Variants in SPIN1 observed in about 807,000 individuals in gnomAD.
The protein encoded by SPIN1 is spindlin 1.
A neutral mutation model predicts 26.0 loss-of-function variants in SPIN1; 3 were observed. The observed-to-expected ratio is 0.12, with a 90% CI of 0.05 to 0.30. The LOEUF (loss-of-function observed/expected upper bound fraction) is 0.30, where lower values mean the gene tolerates loss of function less well. SPIN1 is among the 10% of genes least tolerant of loss of function. The probability of loss-of-function intolerance (pLI) is 1.00; values close to 1 mark genes in which losing one functional copy is unlikely to be tolerated. For missense variants in SPIN1, 126 were observed against 333.4 expected (o/e 0.38, Z 4.84); for synonymous variants, 101 against 116.5 (o/e 0.87, Z 0.86).
At chr9:88,444,319 C>T (rs1358001422) in intron 2 of SPIN1, among the ~76,000 whole-genome samples, 1 of 147,192 alleles carries the variant, frequency 6.8e-6, no homozygotes. Context: ...CGGCTCACTG[C>T]AAGCTCCGCC....
chr9:88,411,394 A>G (rs1350680056), intron 1 of SPIN1: 29 of 1,596,022 alleles, frequency 1.8e-5, no homozygotes, highest in Non-Finnish European at 2.5e-5. Context: ...CGGTTGTTTC[A>G]AAGCTCAACC....
chr9:88,418,794 A>G (rs1207750119), intron 1 of SPIN1: 3 of 152,222 alleles, frequency 2.0e-5, no homozygotes, highest in African/African-American at 4.8e-5. Context: ...TATCTCGACA[A>G]TGCTAGTTGC....
In SPIN1 at chr9:88,478,558, A is replaced by G. The variant is rs989274972; in HGVS notation, c.*3281A>G. ...TTTAATTTTAATTTTATTTTATACA[A>G]TGTGTAGACAGTTCCCTGTTCTCTG... On this transcript the variant is annotated 3_prime_UTR_variant, in exon 6 of 6. Transcript: ENST00000375859. 1.0e-4 allele frequency: 16 copies of G among 152,460 alleles called. No individual in the cohort carries two copies. Among genetic ancestry groups the G allele is most frequent in the Admixed American group, 2.0e-4 (3 of 15,274 alleles). 9.4% of individuals were successfully genotyped at this position (152,460 alleles called of 1,614,324 possible).
intron 1 of SPIN1, among the ~76,000 whole-genome samples, chr9:88,422,074 G>GTA (rs1181949481): frequency 6.6e-6 from 1 of 152,130 alleles, no homozygotes; most frequent in African/African-American, 2.4e-5. Flanking sequence ...TTGTAAAGCA[G>GTA]TAACATTTTC....
intron 2 of SPIN1, among the ~76,000 whole-genome samples, chr9:88,444,130 T>G (rs1828195251): frequency 6.6e-6 from 1 of 152,126 alleles, no homozygotes; most frequent in Non-Finnish European, 1.5e-5. Context: ...TGTTTAGCTT[T>G]TTATGGACAA....
At chr9:88,451,421 T>C (rs905299206) in intron 3 of SPIN1, among the ~76,000 whole-genome samples, 1 of 152,220 alleles carries the variant, frequency 6.6e-6, no homozygotes, top group African/African-American at 2.4e-5. Flanking sequence ...TTTGTGTTTT[T>C]TAAGAAAATA....
chr9:88,465,641 T>TATTTTAATTAA (rs1828653268), intron 4 of SPIN1, among the ~76,000 whole-genome samples: 1 of 152,178 alleles, frequency 6.6e-6, no homozygotes. Context: ...TTTAATTAGG[T>TATTTTAATTAA]TATTTTGATT....
intron 3 of SPIN1, among the ~76,000 whole-genome samples, chr9:88,458,280 C>G (rs1244820566): frequency 6.6e-6 from 1 of 152,120 alleles, no homozygotes; most frequent in Non-Finnish European, 1.5e-5. Context: ...AAGTATGAGA[C>G]TCATAGTATC....
At chr9:88,435,334 G>A (rs1218289452) in intron 2 of SPIN1, among the ~76,000 whole-genome samples, 1 of 151,680 alleles carries the variant, frequency 6.6e-6, no homozygotes. Flanking sequence ...TCCTACCTCA[G>A]CCTCTAAGTC....
At chr9:88,409,337 C>T (rs1827387891) in intron 1 of SPIN1, among the ~76,000 whole-genome samples, 2 of 150,866 alleles carry the variant, frequency 1.3e-5, no homozygotes, top group South Asian at 4.2e-4. Flanking sequence ...GGTTTTTATT[C>T]ATTTTGTCTC....
At chr9:88,468,344 A>G in intron 4 of SPIN1, 28 bp from the exon 5 acceptor site, 1 of 1,162,518 alleles carries the variant, frequency 8.6e-7, no homozygotes. Flanking sequence ...CACTTTGTCA[A>G]CTTTTTTTTT....
chr9:88,473,643 T>TTGTGTGTGTGTGTGTGTGTGTGTGTGTG (rs113216961), intron 5 of SPIN1, among the ~76,000 whole-genome samples: 1 of 119,256 alleles, frequency 8.4e-6, no homozygotes, highest in African/African-American at 2.9e-5. Flanking sequence ...TTCTCCAAAC[T>TTGTGTGTGTGTGTGTGTGTGTGTGTGTG]TGTGTGTGTG....
chr9:88,463,434 T>G (rs2118195016), intron 4 of SPIN1, among the ~76,000 whole-genome samples: 1 of 152,236 alleles, frequency 6.6e-6, no homozygotes, highest in East Asian at 1.9e-4. Flanking sequence ...CTGCTCTTGT[T>G]TAAAATATTG....
At chr9:88,400,633 G>A (rs1324291562) in intron 1 of SPIN1, among the ~76,000 whole-genome samples, 1 of 152,170 alleles carries the variant, frequency 6.6e-6, no homozygotes, top group Non-Finnish European at 1.5e-5. Flanking sequence ...ATCACCTGAG[G>A]TAAGGAGTTT....
chr9:88,414,030 C>CAAAAA (rs10635542), intron 1 of SPIN1, among the ~76,000 whole-genome samples: 1 of 141,772 alleles, frequency 7.1e-6, no homozygotes, highest in African/African-American at 2.5e-5. Flanking sequence ...TTTATTATAG[C>CAAAAA]AAAAAAAAAA....
intron 2 of SPIN1, among the ~76,000 whole-genome samples, chr9:88,428,839 C>T (rs966538715): frequency 6.6e-6 from 1 of 152,060 alleles, no homozygotes; most frequent in Non-Finnish European, 1.5e-5. Flanking sequence ...TAAGAAGATA[C>T]AAGAAAAACA....
At chr9:88,440,668 A>AC (rs781262274) in intron 2 of SPIN1, among the ~76,000 whole-genome samples, 3 of 147,138 alleles carry the variant, frequency 2.0e-5, no homozygotes, top group Non-Finnish European at 4.4e-5. Flanking sequence ...AACCTCCGCC[A>AC]CCCGTGTTCA....
At chr9:88,400,649 C>T (rs1485290023) in intron 1 of SPIN1, among the ~76,000 whole-genome samples, 1 of 152,154 alleles carries the variant, frequency 6.6e-6, no homozygotes, top group Non-Finnish European at 1.5e-5. Context: ...AGTTTGAGAC[C>T]AGCCTGGCCA....
At chr9:88,430,886 T>C (rs1279166652) in intron 2 of SPIN1, among the ~76,000 whole-genome samples, 1 of 149,754 alleles carries the variant, frequency 6.7e-6, no homozygotes, top group Non-Finnish European at 1.5e-5. Context: ...ATTTTTTCTT[T>C]TTTTTTTTTT....
Sources: gnomAD v4.1 joint callset for allele counts (sites outside exome capture counted in the v4.1 genomes callset) on GRCh38, gnomAD v4.1.1 for gene constraint, MANE v1.5 for transcripts, NCBI Gene and HGNC (gene_info 2026-07-23, HGNC 2026-07-21) for gene names.